The following MCUB variants were observed in gnomAD, a reference collection of about 807,000 sequenced individuals.
The protein encoded by MCUB is mitochondrial calcium uniporter dominant negative subunit beta.
MCUB carries 46 observed loss-of-function variants against 41.4 expected under a neutral mutation model. The ratio of observed to expected loss-of-function variants is 1.11; its 90% CI spans 0.88 to 1.42. The LOEUF is 1.42. Among genes scored for constraint, MCUB ranks in the 40% most tolerant of loss-of-function variants. The pLI is 0.00. For synonymous variants in MCUB, 148 were observed against 148.2 expected (o/e 1.00, Z 0.01); for missense variants, 403 against 404.9 (o/e 1.00, Z 0.04).
chr4:109,671,925 C>T (rs902067736), intron 4 of MCUB, among the ~76,000 whole-genome samples: 2 of 152,056 alleles, frequency 1.3e-5, no homozygotes, highest in Non-Finnish European at 1.5e-5. Flanking sequence ...AGAGGCTTTC[C>T]TCTAGTGTCC....
intron 1 of MCUB, among the ~76,000 whole-genome samples, chr4:109,580,732 T>A (rs1727151780): frequency 6.6e-6 from 1 of 152,240 alleles, no homozygotes; most frequent in African/African-American, 2.4e-5. Flanking sequence ...GGATTGTTTT[T>A]TTCCTGTGCA....
chr4:109,668,937 C>G (rs1485492966), intron 4 of MCUB, among the ~76,000 whole-genome samples: 1 of 152,060 alleles, frequency 6.6e-6, no homozygotes, highest in Non-Finnish European at 1.5e-5. Context: ...ATCCTGATTT[C>G]TCCCTCATGC....
rs116945516 is a variant in MCUB at position 109,620,175 on chromosome 4, A to G, written c.100-38836A>G. Among the ~76,000 whole-genome samples, 845 of 152,262 alleles carry G rather than the reference A, an allele frequency of 5.5e-3. 25 individuals carry two copies. The East Asian group carries it at 0.064, about 12-fold the overall frequency. On this transcript the variant is annotated intron_variant, in intron 1 of 7. Transcript: ENST00000394650. ...CTCGTTTTGCTTACAGGCACAACCA[A>G]TGTCAGACAGATGCCTCGATTACTT...
intron 1 of MCUB, among the ~76,000 whole-genome samples, chr4:109,641,227 G>T (rs1728707544): frequency 6.6e-6 from 1 of 151,636 alleles, no homozygotes; most frequent in African/African-American, 2.4e-5. Context: ...TGAGTAGCTG[G>T]GACTATGGGC....
intron 4 of MCUB, among the ~76,000 whole-genome samples, chr4:109,677,963 G>A (rs1241948773): frequency 4.0e-5 from 6 of 151,672 alleles, no homozygotes; most frequent in African/African-American, 9.7e-5. Context: ...AGGTCCCTGC[G>A]GCCTTCTGCA....
chr4:109,560,553 T>A (rs2126121585), intron 1 of MCUB, 117 bp downstream of exon 1: 1 of 488,766 alleles, frequency 2.0e-6, no homozygotes, highest in South Asian at 1.0e-4. Context: ...TTTTGCTGGC[T>A]GCCGGGCTCC....
At chr4:109,574,486 A>G (rs1726985278) in intron 1 of MCUB, among the ~76,000 whole-genome samples, 1 of 152,176 alleles carries the variant, frequency 6.6e-6, no homozygotes, top group Admixed American at 6.5e-5. Context: ...ATCTATATCT[A>G]TGCAATAGGA....
At chr4:109,592,401 C>T (rs929469926) in intron 1 of MCUB, among the ~76,000 whole-genome samples, 1 of 150,784 alleles carries the variant, frequency 6.6e-6, no homozygotes, top group Non-Finnish European at 1.5e-5. Flanking sequence ...CAGAACGAGA[C>T]TCTGTCTCAA....
At chr4:109,651,131 T>G (rs1171508231) in intron 1 of MCUB, among the ~76,000 whole-genome samples, 1 of 152,246 alleles carries the variant, frequency 6.6e-6, no homozygotes, top group Non-Finnish European at 1.5e-5. Flanking sequence ...AATATCTCAT[T>G]CCTTATTAAA....
chr4:109,591,321 G>GACT (rs1439840289), intron 1 of MCUB, among the ~76,000 whole-genome samples: 4 of 152,084 alleles, frequency 2.6e-5, no homozygotes, highest in African/African-American at 9.7e-5. Flanking sequence ...GAGTAGCTGG[G>GACT]ACTACAGGTG....
At chr4:109,623,564 A>C (rs1579070598) in intron 1 of MCUB, among the ~76,000 whole-genome samples, 2 of 152,226 alleles carry the variant, frequency 1.3e-5, no homozygotes, top group South Asian at 4.2e-4. Context: ...TATGTAAATA[A>C]AATAGGGTTG....
intron 1 of MCUB, among the ~76,000 whole-genome samples, chr4:109,567,951 G>A (rs1182975395): frequency 6.6e-6 from 1 of 151,984 alleles, no homozygotes; most frequent in Admixed American, 6.6e-5. Flanking sequence ...CACCCGCCTC[G>A]GCCTCCCAAA....
intron 1 of MCUB, among the ~76,000 whole-genome samples, chr4:109,614,181 CCAAAGTCCAGAACATTACAGCGTCAGCT>C (rs1157858706): frequency 4.6e-5 from 7 of 152,140 alleles, no homozygotes; most frequent in African/African-American, 1.7e-4. Flanking sequence ...AATTGTCAGC[CCAAAGTCCAGAACATTACAGCGTCAGCT>C]CAAAGTCCAG....
At chr4:109,647,795 C>T (rs60632814) in intron 1 of MCUB, among the ~76,000 whole-genome samples, 5,618 of 152,174 alleles carry the variant, frequency 0.037, 367 homozygotes, top group African/African-American at 0.13. Flanking sequence ...TTAAATGTGC[C>T]GCTGAACCAC....
At chr4:109,648,743 C>G (rs1452638417) in intron 1 of MCUB, 1 of 283,894 alleles carries the variant, frequency 3.5e-6, no homozygotes, top group Non-Finnish European at 6.2e-6. Context: ...AAAAAAAAAT[C>G]ATTAAAGCTT....
intron 1 of MCUB, among the ~76,000 whole-genome samples, chr4:109,575,234 G>C (rs1460912849): frequency 3.3e-5 from 5 of 152,132 alleles, no homozygotes; most frequent in Non-Finnish European, 7.3e-5. Flanking sequence ...CCCTTGTTCT[G>C]CCCGCTCCTT....
chr4:109,670,400 C>A (rs912873401), intron 4 of MCUB, among the ~76,000 whole-genome samples: 4 of 152,034 alleles, frequency 2.6e-5, no homozygotes, highest in Admixed American at 1.3e-4. Context: ...AAATAATTTA[C>A]CTTGTGGACA....
chr4:109,584,032 T>A (rs553504062), intron 1 of MCUB, among the ~76,000 whole-genome samples: 1 of 152,204 alleles, frequency 6.6e-6, no homozygotes, highest in South Asian at 2.1e-4. Context: ...TGGTACCAGC[T>A]CTTCTTTGTA....
intron 1 of MCUB, among the ~76,000 whole-genome samples, chr4:109,635,857 G>T (rs1187475350): frequency 6.6e-6 from 1 of 152,166 alleles, no homozygotes; most frequent in Non-Finnish European, 1.5e-5. Flanking sequence ...ATGAAGATTT[G>T]TGTGGTTTCC....
Sources: allele counts gnomAD v4.1 joint callset (sites outside exome capture counted in the v4.1 genomes callset), GRCh38; gene constraint gnomAD v4.1.1; transcripts MANE v1.5; gene names NCBI Gene and HGNC (gene_info 2026-07-23, HGNC 2026-07-21).